PRDM16: variants seen among roughly 807,000 people sequenced by gnomAD.
The protein encoded by PRDM16 is PR/SET domain 16, also known as histone-lysine N-methyltransferase PRDM16.
Under a neutral mutation model 110.6 loss-of-function variants are expected in PRDM16, and 23 were observed. The ratio of observed to expected loss-of-function variants is 0.21; its 90% CI spans 0.15 to 0.29. The LOEUF (loss-of-function observed/expected upper bound fraction) is 0.29. Among genes scored for constraint, PRDM16 ranks in the 10% least tolerant of loss-of-function variants. The probability of loss-of-function intolerance (pLI) is 1.00; values close to 1 mark genes in which losing one functional copy is unlikely to be tolerated. For missense variants in PRDM16, 1,615 were observed against 1,794.3 expected (o/e 0.90, Z 1.81); for synonymous variants, 799 against 781.8 (o/e 1.02, Z -0.37).
chr1:3,141,626 G>A (rs746417850), intron 1 of PRDM16, among the ~76,000 whole-genome samples: 6 of 152,324 alleles, frequency 3.9e-5, no homozygotes, highest in South Asian at 2.1e-4. Flanking sequence ...AGCCCAGGGC[G>A]GGCCACAACG....
At chr1:3,194,034 G>A (rs1477545984) in intron 2 of PRDM16, among the ~76,000 whole-genome samples, 4 of 152,238 alleles carry the variant, frequency 2.6e-5, no homozygotes, top group African/African-American at 4.8e-5. Flanking sequence ...CCTAATTTAC[G>A]GCCTGGGCCG....
intron 1 of PRDM16, among the ~76,000 whole-genome samples, chr1:3,092,204 C>T (rs1033565529): frequency 6.6e-6 from 1 of 152,126 alleles, no homozygotes; most frequent in African/African-American, 2.4e-5. Flanking sequence ...TGGTGGGTGA[C>T]GTGGTATGGC....
intron 1 of PRDM16, among the ~76,000 whole-genome samples, chr1:3,136,285 G>A (rs1306290930): frequency 1.3e-5 from 2 of 152,232 alleles, no homozygotes; most frequent in African/African-American, 4.8e-5. Context: ...GCGATGCTCC[G>A]GGGTCTCGGC....
In PRDM16 at chr1:3,358,473, C is replaced by T. The variant is rs1329626387; in HGVS notation, c.439-26679C>T. 6.6e-6 allele frequency among the ~76,000 whole-genome samples: 1 copy of T among 152,142 alleles called. No individual in the cohort carries two copies. The highest frequency in any genetic ancestry group is 1.5e-5 in the Non-Finnish European group (1 of 68,034). ...GTTGTCTCCAGAGGCAGCCGCTGCGCCCCAGACTCCCAGCCGCGGCTTCGG... is the reference window on the plus strand; with the variant it reads ...GTTGTCTCCAGAGGCAGCCGCTGCGTCCCAGACTCCCAGCCGCGGCTTCGG... On this transcript the variant is annotated intron_variant, in intron 3 of 16. Transcript: ENST00000270722. The surrounding 1 kb of genome is among the most constrained non-coding windows in gnomAD (Gnocchi z 4.0).
chr1:3,214,230 T>G (rs895079249), intron 2 of PRDM16, among the ~76,000 whole-genome samples: 8 of 152,192 alleles, frequency 5.3e-5, no homozygotes, highest in South Asian at 4.1e-4. Context: ...AACCAGAAAC[T>G]TCTAGATCTG....
chr1:3,397,595 A>G (rs1434145642), intron 5 of PRDM16, among the ~76,000 whole-genome samples: 1 of 152,208 alleles, frequency 6.6e-6, no homozygotes, highest in Non-Finnish European at 1.5e-5. Context: ...TAACTGCTTT[A>G]CTTTGGGAGG....
chr1:3,171,943 C>T (rs574659090), intron 1 of PRDM16, among the ~76,000 whole-genome samples: 3 of 152,240 alleles, frequency 2.0e-5, no homozygotes, highest in East Asian at 1.9e-4. Context: ...CCGGCCTCCG[C>T]GCCACCGGGG....
chr1:3,285,919 C>T (rs1027200475), intron 3 of PRDM16, among the ~76,000 whole-genome samples: 6 of 152,174 alleles, frequency 3.9e-5, no homozygotes, highest in African/African-American at 1.2e-4. Context: ...GCTCCGCTGA[C>T]GAGAAAACCC....
chr1:3,253,580 T>A (rs7513768), intron 3 of PRDM16, among the ~76,000 whole-genome samples: 27,316 of 151,378 alleles, frequency 0.18, 2,646 homozygotes, highest in Middle Eastern at 0.26. Context: ...GGTGTATATG[T>A]GCCACATTTT....
At chr1:3,221,445 G>T (rs527677294) in intron 2 of PRDM16, among the ~76,000 whole-genome samples, 6 of 152,238 alleles carry the variant, frequency 3.9e-5, no homozygotes, top group African/African-American at 1.4e-4. Context: ...AATGACAGGC[G>T]CTTGCAGCTG....
intron 1 of PRDM16, among the ~76,000 whole-genome samples, chr1:3,147,326 G>A (rs1262010187): frequency 6.6e-6 from 1 of 151,696 alleles, no homozygotes; most frequent in Non-Finnish European, 1.5e-5. Flanking sequence ...TCTGGGGTGT[G>A]TGACGTGGGT....
In PRDM16 at chr1:3,088,689, A is replaced by G. The variant is rs760140580; in HGVS notation, c.37+19393A>G. Among the ~76,000 whole-genome samples, 205 of 151,314 alleles carry G rather than the reference A, an allele frequency of 1.4e-3. 1 individual carries two copies. The highest frequency in any genetic ancestry group is 1.1e-3 in the Non-Finnish European group (76 of 67,858). On this transcript the variant is annotated intron_variant, in intron 1 of 16. Transcript: ENST00000270722. ...CACCGTGTTAGCCAGGATGGTCTCT[A>G]TCTCCTGATCTCAGCCTCTCAGAGT...
At chr1:3,083,276 G>T (rs564844781) in intron 1 of PRDM16, among the ~76,000 whole-genome samples, 22 of 152,310 alleles carry the variant, frequency 1.4e-4, no homozygotes, top group African/African-American at 5.3e-4. Context: ...GCAACCTGGC[G>T]GCTGGGCCCC....
intron 2 of PRDM16, among the ~76,000 whole-genome samples, chr1:3,203,848 G>C (rs1326721674): frequency 1.3e-5 from 2 of 152,130 alleles, no homozygotes; most frequent in East Asian, 3.9e-4. Context: ...ATTCGGGGGG[G>C]GCACAATTTA....
At chr1:3,142,266 T>C (rs2100703947) in intron 1 of PRDM16, among the ~76,000 whole-genome samples, 1 of 152,362 alleles carries the variant, frequency 6.6e-6, no homozygotes, top group Admixed American at 6.5e-5. Context: ...AGCGATGTCT[T>C]AGACCTGGAG....
At chr1:3,151,103 C>T (rs1643767725) in intron 1 of PRDM16, among the ~76,000 whole-genome samples, 1 of 152,140 alleles carries the variant, frequency 6.6e-6, no homozygotes, top group Non-Finnish European at 1.5e-5. Flanking sequence ...GCCTCCTGGT[C>T]CTGAGATATC....
At chr1:3,271,648 T>C (rs1640459185) in intron 3 of PRDM16, among the ~76,000 whole-genome samples, 1 of 152,104 alleles carries the variant, frequency 6.6e-6, no homozygotes, top group East Asian at 1.9e-4. Flanking sequence ...ACCAAGGGCT[T>C]GCATTTCTCA....
At chr1:3,313,414 A>G (rs1641513873) in intron 3 of PRDM16, among the ~76,000 whole-genome samples, 3 of 152,314 alleles carry the variant, frequency 2.0e-5, no homozygotes, top group African/African-American at 7.2e-5. Context: ...CGTCTCGAGC[A>G]GCTTGGCAGG....
At chr1:3,272,048 C>T (rs1178062327) in intron 3 of PRDM16, among the ~76,000 whole-genome samples, 1 of 152,226 alleles carries the variant, frequency 6.6e-6, no homozygotes, top group African/African-American at 2.4e-5. Context: ...ACACGGTGCC[C>T]ACATGGGTGT....
Sources: allele counts gnomAD v4.1 joint callset (sites outside exome capture counted in the v4.1 genomes callset), GRCh38; gene constraint gnomAD v4.1.1; non-coding constraint Gnocchi (gnomAD v3.1); transcripts MANE v1.5; gene names NCBI Gene and HGNC (gene_info 2026-07-23, HGNC 2026-07-21).